KIRREL1: variants seen among roughly 807,000 people sequenced by gnomAD.
KIRREL1 encodes the protein kin of IRRE-like protein 1.
KIRREL1 carries 25 observed loss-of-function variants against 83.3 expected under a neutral mutation model. The observed-to-expected ratio is 0.30, with a 90% CI of 0.22 to 0.42. KIRREL1 has a LOEUF of 0.42. KIRREL1 is among the 10% of genes least tolerant of loss of function. The pLI, the probability that KIRREL1 is intolerant of heterozygous loss-of-function variation, is 1.00. For synonymous variants in KIRREL1, 388 were observed against 410.4 expected (o/e 0.95, Z 0.66); for missense variants, 812 against 1,032.3 (o/e 0.79, Z 2.92).
chr1:158,002,393 G>C (rs545634128), intron 1 of KIRREL1, among the ~76,000 whole-genome samples: 2 of 152,294 alleles, frequency 1.3e-5, no homozygotes, highest in Admixed American at 6.5e-5. Context: ...CATTTCCACT[G>C]GTCTGTGGCC....
rs1662419954 is a variant in KIRREL1, at chr1:158,098,818, G to A, written c.*3698G>A. The A allele has an allele frequency of 6.6e-6, 1 of 152,228 alleles. No individual in the cohort carries two copies. The highest frequency in any genetic ancestry group is 2.4e-5 in the African/African-American group (1 of 41,454). 9.4% of individuals were successfully genotyped at this position (152,228 alleles called of 1,614,324 possible). A position where few individuals can be genotyped will look rare whatever the true frequency, so the allele number is the denominator to read the frequency against. On this transcript the variant is annotated 3_prime_UTR_variant, in exon 15 of 15. Coordinates refer to ENST00000359209, the MANE Select transcript of KIRREL1 (RefSeq NM_018240.7). ...TACGCTCTCCCCTTATTCCAGCAGG[G>A]CTACTTTCCTCTTCACTCTGATGAG...
chr1:158,059,761 GTTC>G (rs776509870), intron 1 of KIRREL1, among the ~76,000 whole-genome samples: 1 of 152,082 alleles, frequency 6.6e-6, no homozygotes, highest in African/African-American at 2.4e-5. Context: ...GGCTTATTAT[GTTC>G]TTATTTATTC....
Position 158,094,535 on chromosome 1 carries a change from G to C in KIRREL1, c.1798-109G>C. ...AAGGAGCAGAGGAGGTGGAATGCTAGATGGGGACATAGGGAGAGCTGGAGG... is the reference window on the plus strand; with the variant it reads ...AAGGAGCAGAGGAGGTGGAATGCTACATGGGGACATAGGGAGAGCTGGAGG... On this transcript the variant is annotated intron_variant, in intron 14 of 14. Transcript: ENST00000359209. This position sits in a 1 kb window ranked among gnomAD's most constrained non-coding sequence, Gnocchi z 4.6. 8.0e-7 allele frequency: 1 copy of C among 1,251,258 alleles called. No individual in the cohort carries two copies. The highest frequency in any genetic ancestry group is 1.2e-6 in the Non-Finnish European group (1 of 858,828). The allele number at this position is 1,251,258 out of a possible 1,614,324, so 77.5% of individuals were successfully genotyped here.
At chr1:158,020,735 A>G (rs868484341) in intron 1 of KIRREL1, among the ~76,000 whole-genome samples, 10 of 151,952 alleles carry the variant, frequency 6.6e-5, no homozygotes, top group Admixed American at 5.2e-4. Flanking sequence ...TCCTGGTACT[A>G]TCACGTAATA....
At chr1:158,050,805 G>T (rs1660891430) in intron 1 of KIRREL1, among the ~76,000 whole-genome samples, 1 of 152,124 alleles carries the variant, frequency 6.6e-6, no homozygotes, top group South Asian at 2.1e-4. Flanking sequence ...TGAAATAAGA[G>T]AATTGGATTA....
chr1:158,005,739 C>A (rs1302920462), intron 1 of KIRREL1, among the ~76,000 whole-genome samples: 1 of 152,046 alleles, frequency 6.6e-6, no homozygotes, highest in Non-Finnish European at 1.5e-5. Context: ...TTTGGGGGAG[C>A]AGTGGGGAAC....
At chr1:158,012,081 C>A (rs1294287716) in intron 1 of KIRREL1, among the ~76,000 whole-genome samples, 2 of 149,906 alleles carry the variant, frequency 1.3e-5, no homozygotes, top group Admixed American at 1.3e-4. Context: ...GTATCTCCCA[C>A]CCCTGCTTCC....
At chr1:158,023,976 C>G (rs1270889707) in intron 1 of KIRREL1, among the ~76,000 whole-genome samples, 1 of 152,060 alleles carries the variant, frequency 6.6e-6, no homozygotes, top group Non-Finnish European at 1.5e-5. Context: ...TTGACGAAGT[C>G]TCGCTCTGTC....
At chr1:158,033,131 C>T (rs183658939) in intron 1 of KIRREL1, among the ~76,000 whole-genome samples, 1 of 152,114 alleles carries the variant, frequency 6.6e-6, no homozygotes, top group Admixed American at 6.5e-5. Flanking sequence ...GGCTGGAGTG[C>T]AATGGCGCGA....
chr1:158,043,570 G>A (rs954606900), intron 1 of KIRREL1, among the ~76,000 whole-genome samples: 2 of 152,210 alleles, frequency 1.3e-5, no homozygotes, highest in African/African-American at 4.8e-5. Flanking sequence ...AAGTCTGACA[G>A]GACTCCCTAA....
rs1330937429 is a variant in KIRREL1, at chr1:158,095,006, A to G, written c.2160A>G (p.Pro720=). 6.2e-7 allele frequency: 1 copy of G among 1,614,044 alleles called. No individual in the cohort carries two copies. The highest frequency in any genetic ancestry group is 8.5e-7 in the Non-Finnish European group (1 of 1,179,992). ...CACCCTCTGGCCTGGAGCGGACCCC[A>G]TATGAGGCGTATGACCCCATTGGCA... ...QAPPSGLERT[P]YEAYDPIGKY... The change falls in exon 15 of 15, where the codon CCA becomes CCG. Residue 720 remains proline (P), a synonymous_variant. Transcript: ENST00000359209.
At chr1:158,089,237 G>A (rs1015323775) in intron 8 of KIRREL1, among the ~76,000 whole-genome samples, 5 of 152,190 alleles carry the variant, frequency 3.3e-5, no homozygotes, top group East Asian at 1.9e-4. Context: ...AAGAGGCTGC[G>A]TCCTCCTAAA....
At chr1:158,058,185 G>T (rs1175880087) in intron 1 of KIRREL1, among the ~76,000 whole-genome samples, 2 of 152,130 alleles carry the variant, frequency 1.3e-5, no homozygotes, top group East Asian at 3.9e-4. Flanking sequence ...AATTCTGTTG[G>T]CACTTTGTCC....
intron 1 of KIRREL1, among the ~76,000 whole-genome samples, chr1:158,046,043 A>C (rs1330499410): frequency 1.3e-5 from 2 of 152,208 alleles, no homozygotes; most frequent in Admixed American, 6.5e-5. Context: ...CACAGGAGTG[A>C]CATGGTATAA....
chr1:158,055,815 G>A (rs1005706465), intron 1 of KIRREL1, among the ~76,000 whole-genome samples: 1 of 152,234 alleles, frequency 6.6e-6, no homozygotes, highest in African/African-American at 2.4e-5. Flanking sequence ...TGTTCCCCAT[G>A]CCTAATTACA....
intron 1 of KIRREL1, among the ~76,000 whole-genome samples, chr1:158,016,790 G>A (rs1254176405): frequency 2.0e-5 from 3 of 152,118 alleles, no homozygotes; most frequent in Middle Eastern, 3.2e-3. Flanking sequence ...GCATTTCGTT[G>A]GATCAGTTTT....
rs1373095938 is a variant in KIRREL1, at chr1:158,096,674, C to G, written c.*1554C>G. 2.2e-6 allele frequency: 1 copy of G among 456,752 alleles called. No individual in the cohort carries two copies. 28.3% of individuals were successfully genotyped at this position (456,752 alleles called of 1,614,324 possible). ...CATGTGCACGCACATCCAACACACA[C>G]CTTCCATGTGACTGCTTCTCAGCCA... On this transcript the variant is annotated 3_prime_UTR_variant, in exon 15 of 15. Transcript: ENST00000359209.
At chr1:157,998,362 G>A (rs916784838) in intron 1 of KIRREL1, among the ~76,000 whole-genome samples, 1 of 152,146 alleles carries the variant, frequency 6.6e-6, no homozygotes, top group Non-Finnish European at 1.5e-5. Flanking sequence ...TTTCATAAAG[G>A]TAAACTCATT....
chr1:158,080,236 C>T (rs577637978), intron 3 of KIRREL1, among the ~76,000 whole-genome samples: 1 of 152,260 alleles, frequency 6.6e-6, no homozygotes, highest in Non-Finnish European at 1.5e-5. Flanking sequence ...GGAGTACTCG[C>T]TTCCTAATGA....
Sources: gnomAD v4.1 joint callset for allele counts (sites outside exome capture counted in the v4.1 genomes callset) on GRCh38, gnomAD v4.1.1 for gene constraint, Gnocchi (gnomAD v3.1) non-coding constraint, MANE v1.5 for transcripts, NCBI Gene and HGNC (gene_info 2026-07-23, HGNC 2026-07-21) for gene names.